The following RPH3AL variants were observed in gnomAD, a reference collection of about 807,000 sequenced individuals.
RPH3AL encodes the protein rabphilin 3A like (without C2 domains).
A neutral mutation model predicts 43.1 loss-of-function variants in RPH3AL; 38 were observed. That is an observed-to-expected ratio of 0.88 (90% CI 0.68 to 1.15). The LOEUF (loss-of-function observed/expected upper bound fraction) is 1.15, where lower values mean the gene tolerates loss of function less well. Among genes scored for constraint, RPH3AL ranks in the 50% most tolerant of loss-of-function variants. The probability of loss-of-function intolerance (pLI) is 0.00; values close to 1 mark genes in which losing one functional copy is unlikely to be tolerated. For missense variants in RPH3AL, 462 were observed against 423.2 expected (o/e 1.09, Z -0.81); for synonymous variants, 189 against 176.3 (o/e 1.07, Z -0.57).
chr17:324,710 C>CTATCTATCTATCTATCTATCTATCTAT lies in RPH3AL; in HGVS notation c.77+2756_77+2757insATAGATAGATAGATAGATAGATAGATA, dbSNP rs1204379795. ...ATCTATCTAGCTAGCTAGCTATGTA[C>CTATCTATCTATCTATCTATCTATCTAT]CTATCTATCTATCTATCTATCTATG... On this transcript the variant is annotated intron_variant, in intron 3 of 9. Coordinates refer to ENST00000331302, the MANE Select transcript of RPH3AL (RefSeq NM_006987.4). Among the ~76,000 whole-genome samples the CTATCTATCTATCTATCTATCTATCTAT allele has an allele frequency of 5.4e-3, 809 of 151,090 alleles. 4 individuals carry two copies. The highest frequency in any genetic ancestry group is 9.5e-3 in the South Asian group (45 of 4,742).
At chr17:312,626 T>C (rs2043672558) in intron 5 of RPH3AL, among the ~76,000 whole-genome samples, 1 of 151,132 alleles carries the variant, frequency 6.6e-6, no homozygotes, top group South Asian at 2.1e-4. Context: ...CCTGAAGAGG[T>C]TTCATAACAA....
At chr17:317,392 C>T (rs1194713496) in intron 5 of RPH3AL, among the ~76,000 whole-genome samples, 3 of 151,674 alleles carry the variant, frequency 2.0e-5, no homozygotes, top group Non-Finnish European at 2.9e-5. Flanking sequence ...TGTGGCCCCA[C>T]GTCCATTGAC....
rs138827315 is a variant in RPH3AL, at chr17:265,597, T to A, written c.438+16171A>T. Among the ~76,000 whole-genome samples, 5 of 152,360 alleles carry A rather than the reference T, an allele frequency of 3.3e-5. No homozygotes were observed. In the East Asian group the frequency reaches 9.6e-4, roughly 29 times the overall value. On this transcript the variant is annotated intron_variant, in intron 6 of 9. Transcript: ENST00000331302. ...CCCTCCCTTGTGCTCTGTTTATAAT[T>A]TCTCCTTGTTGTTGTCCTTTTCCTT... is the stretch of plus-strand genomic sequence containing the variant.
intron 7 of RPH3AL, among the ~76,000 whole-genome samples, chr17:223,346 C>G (rs981553366): frequency 2.3e-4 from 35 of 152,264 alleles, no homozygotes; most frequent in African/African-American, 8.4e-4. Context: ...TCAAGGGTAA[C>G]AGCTCTCATA....
At chr17:219,388 G>A (rs1217859782) in intron 8 of RPH3AL, among the ~76,000 whole-genome samples, 1 of 150,900 alleles carries the variant, frequency 6.6e-6, no homozygotes, top group African/African-American at 2.4e-5. Context: ...TAGTAGAGGT[G>A]GGGTTTCACC....
intron 5 of RPH3AL, among the ~76,000 whole-genome samples, chr17:292,438 G>A (rs2043068720): frequency 6.6e-6 from 1 of 152,236 alleles, no homozygotes; most frequent in African/African-American, 2.4e-5. Flanking sequence ...TAGGCACCAA[G>A]CTAGCTGTTT....
At chr17:326,610 G>A (rs561827925) in intron 3 of RPH3AL, among the ~76,000 whole-genome samples, 1 of 152,220 alleles carries the variant, frequency 6.6e-6, no homozygotes, top group Non-Finnish European at 1.5e-5. Flanking sequence ...GCCAGGCGCG[G>A]TGGCTCACGC....
At chr17:352,398 C>T (rs1290860324) in intron 1 of RPH3AL, among the ~76,000 whole-genome samples, 2 of 152,128 alleles carry the variant, frequency 1.3e-5, no homozygotes, top group East Asian at 1.9e-4. Context: ...GAAAGAGCAA[C>T]GGAGGCACCA....
intron 5 of RPH3AL, among the ~76,000 whole-genome samples, chr17:318,138 T>C (rs1443675564): frequency 1.3e-5 from 2 of 151,974 alleles, no homozygotes; most frequent in Non-Finnish European, 2.9e-5. Flanking sequence ...ATCCCAGCAG[T>C]TTGGGAGGCC....
intron 7 of RPH3AL, among the ~76,000 whole-genome samples, chr17:231,342 C>T (rs947333263): frequency 4.6e-5 from 7 of 152,204 alleles, no homozygotes; most frequent in African/African-American, 1.7e-4. Context: ...GAACTCCTGT[C>T]TAGCCCAGGA....
At position 219,675 on chromosome 17, in the gene RPH3AL, G is replaced by C; in HGVS notation, c.675C>G (p.Leu225=). The change falls in exon 8 of 10, where the codon CTC becomes CTG. Residue 225 remains leucine (L), a synonymous_variant. Transcript: ENST00000331302. ...DLSSSSLEDR[L]PSTGVRDRKG... is the part of the protein sequence containing the mutation. ...TCCGGTCCCTGACCCCAGTGGATGG[G>C]AGTCTGTCCTCTAGGCTGGAGGAGC... 6.2e-7 allele frequency: 1 copy of C among 1,613,648 alleles called. No homozygotes were observed. Among genetic ancestry groups the C allele is most frequent in the South Asian group, 1.1e-5 (1 of 91,066 alleles).
intron 6 of RPH3AL, among the ~76,000 whole-genome samples, chr17:252,614 C>T (rs1555542980): frequency 5.9e-5 from 9 of 152,220 alleles, no homozygotes; most frequent in Non-Finnish European, 2.9e-5. Context: ...AGCACCTCAC[C>T]GAGGGACATT....
At position 233,105 on chromosome 17, in the gene RPH3AL, C is replaced by T. The variant is rs542276188; in HGVS notation, c.614-13369G>A. On this transcript the variant is annotated intron_variant, in intron 7 of 9. Transcript: ENST00000331302. ...TAGTGGGGATGCTGGGTGGGTCTGA[C>T]GGGATTTCGTTTGACAGCATGTGCC... Among the ~76,000 whole-genome samples, 6 of 151,682 alleles carry T rather than the reference C, an allele frequency of 4.0e-5. No homozygotes were observed. In the South Asian group the frequency reaches 1.0e-3, roughly 26 times the overall value.
In RPH3AL at chr17:215,802, CCT is replaced by C; in HGVS notation, c.728-2_728-1del. The stretch of plus-strand genomic sequence containing the variant: ...CATCCTGGGGGCCTCCACGCTGCCA[CCT>C]GTGGGAAATCACGTGTGGGCCCCGT... On this transcript the variant is annotated splice_acceptor_variant, in intron 8 of 9. Transcript: ENST00000331302. LOFTEE classifies it high-confidence loss of function. The surrounding 1 kb of genome is among the most constrained non-coding windows in gnomAD (Gnocchi z 4.1). 1 of 1,298,852 alleles carries C rather than the reference CCT, an allele frequency of 7.7e-7. No homozygotes were observed. Among genetic ancestry groups the C allele is most frequent in the Non-Finnish European group, 9.8e-7 (1 of 1,019,842 alleles). The allele number at this position is 1,298,852 out of a possible 1,614,324, so 80.5% of individuals were successfully genotyped here.
intron 3 of RPH3AL, 188 bp from the exon 4 acceptor site, chr17:321,603 C>CGGCCCAGGTGGCAGCAGAGAT: frequency 2.2e-6 from 1 of 454,786 alleles, no homozygotes; most frequent in South Asian, 3.7e-5. Context: ...GCAACAGAGA[C>CGGCCCAGGTGGCAGCAGAGAT]GGCCCAGGTG....
At chr17:351,084 C>T (rs1307498267) in intron 1 of RPH3AL, among the ~76,000 whole-genome samples, 1 of 152,168 alleles carries the variant, frequency 6.6e-6, no homozygotes, top group Non-Finnish European at 1.5e-5. Flanking sequence ...CCATCACCCA[C>T]GGCCTCCCCA....
intron 5 of RPH3AL, among the ~76,000 whole-genome samples, chr17:319,143 A>G: frequency 6.6e-6 from 1 of 152,218 alleles, no homozygotes; most frequent in Non-Finnish European, 1.5e-5. Context: ...GAAGAGCTAG[A>G]TTCACAGCCT....
At chr17:233,144 C>T (rs4890196) in intron 7 of RPH3AL, among the ~76,000 whole-genome samples, 103,869 of 151,318 alleles carry the variant, frequency 0.69, 37,428 homozygotes, top group South Asian at 0.81. Flanking sequence ...CTGTGTGGCA[C>T]GTGTGCGTGT....
At chr17:236,895 G>A (rs973703459) in intron 7 of RPH3AL, among the ~76,000 whole-genome samples, 4 of 152,272 alleles carry the variant, frequency 2.6e-5, no homozygotes, top group Non-Finnish European at 4.4e-5. Context: ...CCGGGATCCT[G>A]GGCCCTCTTG....
Sources: allele counts gnomAD v4.1 joint callset (sites outside exome capture counted in the v4.1 genomes callset), GRCh38; gene constraint gnomAD v4.1.1; non-coding constraint Gnocchi (gnomAD v3.1); transcripts MANE v1.5; gene names NCBI Gene and HGNC (gene_info 2026-07-23, HGNC 2026-07-21).